The following MYOG variants were observed in gnomAD, a reference collection of about 807,000 sequenced individuals.
The protein encoded by MYOG is myogenin.
In MYOG, 6 loss-of-function variants were observed where a neutral mutation model predicts 17.7. That is an observed-to-expected ratio of 0.34 (90% CI 0.19 to 0.67). The LOEUF is 0.67. MYOG is among the 30% of genes least tolerant of loss of function. The pLI, the probability that MYOG is intolerant of heterozygous loss-of-function variation, is 0.69. For synonymous variants in MYOG, 125 were observed against 130.2 expected (o/e 0.96, Z 0.27); for missense variants, 272 against 302.0 (o/e 0.90, Z 0.74).
Position 203,085,563 on chromosome 1 carries a change from C to G in MYOG, c.399G>C (p.Gln133His). ...CCTGGTTGAGGGAGCTGAGCAGGGC[C>G]TGGAGGCGCTCGATGTACTGGATGG... ...RSAIQYIERL[Q>H]ALLSSLNQEE... is the part of the protein sequence containing the mutation. The change falls in exon 1 of 3, where the codon CAG (glutamine) becomes CAC (histidine). Residue 133 changes from glutamine (Q) to histidine (H), a missense_variant. Transcript: ENST00000241651. The G allele has an allele frequency of 6.2e-7, 1 of 1,614,180 alleles. No individual in the cohort carries two copies. The highest frequency in any genetic ancestry group is 8.5e-7 in the Non-Finnish European group (1 of 1,179,992).
chr1:203,083,814 C>T lies in MYOG; in HGVS notation c.*96G>A. The T allele has an allele frequency of 2.0e-6, 3 of 1,523,908 alleles. No homozygotes were observed. In the South Asian group the frequency reaches 3.7e-5, roughly 19 times the overall value. 94.4% of individuals were successfully genotyped at this position (1,523,908 alleles called of 1,614,324 possible). A position where few individuals can be genotyped will look rare whatever the true frequency, so the allele number is the denominator to read the frequency against. ...CACCCCAGAGCTGGCTTCCTAGCAT[C>T]AGGGCAGCCTGGCTTAGGAGGCCCC... On this transcript the variant is annotated 3_prime_UTR_variant, in exon 3 of 3. Transcript: ENST00000241651.
In MYOG at chr1:203,085,922, G is replaced by A; in HGVS notation, c.40C>T (p.Pro14Ser). ...YETSPYFYQE[P>S]RFYDGENYLP... ...TAGTTTTCCCCATCATAGAAGCGGG[G>A]TTCCTGGTAGAAGTAGGGGGATGTC... Residue 14 changes from proline to serine, a missense_variant, in exon 1 of 3, where the codon CCC becomes TCC. Pro to Ser is a moderately conservative substitution (Grantham distance 74, BLOSUM62 -1). Transcript: ENST00000241651. The A allele has an allele frequency of 3.1e-6, 5 of 1,604,200 alleles. No individual in the cohort carries two copies. The highest frequency in any genetic ancestry group is 4.3e-6 in the Non-Finnish European group (5 of 1,175,884).
rs1571760962 is a variant in MYOG, at chr1:203,083,915, T to C, written c.670A>G (p.Asn224Asp). Reference sequence around the variant, plus strand: ...GCCCGGCTTGGAAGACAATCTCAGTTGGGCATGGTTTCATCTGGGAAGGCC... The same window carrying C: ...GCCCGGCTTGGAAGACAATCTCAGTCGGGCATGGTTTCATCTGGGAAGGCC... ...SVAFPDETMP[N>D] is the part of the protein sequence containing the mutation. The change falls in exon 3 of 3, where the codon AAC becomes GAC. Residue 224 changes from asparagine (N) to aspartate (D), a missense_variant. Physicochemically the swap from Asn to Asp is conservative, Grantham distance 23. Transcript: ENST00000241651. 6.3e-7 allele frequency: 1 copy of C among 1,589,684 alleles called. No homozygotes were observed. The highest frequency in any genetic ancestry group is 2.3e-5 in the East Asian group (1 of 44,272).
chr1:203,084,195 A>AGAGTGTGTGTGTGTGTGTGTGTGT, intron 2 of MYOG, among the ~76,000 whole-genome samples, 164 bp from the exon 3 acceptor site: 1 of 135,496 alleles, frequency 7.4e-6, no homozygotes, highest in Admixed American at 7.4e-5. Flanking sequence ...ATGCTCTGTG[A>AGAGTGTGTGTGTGTGTGTGTGTGT]GTGTGTGTGT....
intron 2 of MYOG, among the ~76,000 whole-genome samples, 168 bp downstream of exon 2, chr1:203,084,479 A>G (rs1490257838): frequency 2.6e-5 from 4 of 152,186 alleles, no homozygotes; most frequent in African/African-American, 9.7e-5. Context: ...TCAAGACTGC[A>G]GGGGCACACA....
chr1:203,084,195 A>AGTGTGT (rs3835486), intron 2 of MYOG, among the ~76,000 whole-genome samples, 164 bp from the exon 3 acceptor site: 2,893 of 135,454 alleles, frequency 0.021, 74 homozygotes, highest in East Asian at 0.07. Flanking sequence ...ATGCTCTGTG[A>AGTGTGT]GTGTGTGTGT....
chr1:203,083,835 G>A lies in MYOG; in HGVS notation c.*75C>T. ...GCATCAGGGCAGCCTGGCTTAGGAG[G>A]CCCCTGCTACAGAAGTAGTGGCATC... On this transcript the variant is annotated 3_prime_UTR_variant, in exon 3 of 3. Transcript: ENST00000241651. 4.5e-6 allele frequency: 7 copies of A among 1,548,826 alleles called. No individual in the cohort carries two copies. Among genetic ancestry groups the A allele is most frequent in the Non-Finnish European group, 6.1e-6 (7 of 1,144,140 alleles).
intron 2 of MYOG, among the ~76,000 whole-genome samples, 164 bp from the exon 3 acceptor site, chr1:203,084,195 AGTGTGTGTGT>A (rs3835486): frequency 2.0e-4 from 27 of 135,494 alleles, no homozygotes; most frequent in South Asian, 2.4e-4. Flanking sequence ...ATGCTCTGTG[AGTGTGTGTGT>A]GTGTGTGTGT....
chr1:203,084,497 C>T (rs894547203), intron 2 of MYOG, 150 bp downstream of exon 2: 6 of 695,112 alleles, frequency 8.6e-6, no homozygotes, highest in Non-Finnish European at 1.5e-5. Flanking sequence ...ACAGAACCTC[C>T]CAGCCCACCC....
At chr1:203,085,347 T>C in intron 1 of MYOG, 144 bp downstream of exon 1, 1 of 737,066 alleles carries the variant, frequency 1.4e-6, no homozygotes, top group Non-Finnish European at 2.2e-6. Context: ...AGCCCAGCTC[T>C]GACCAGGGAA....
chr1:203,083,453 T>C lies in MYOG; in HGVS notation c.*457A>G, dbSNP rs1450712146. The C allele has an allele frequency of 2.5e-6, 1 of 393,740 alleles. No homozygotes were observed. Among genetic ancestry groups the C allele is most frequent in the African/African-American group, 2.0e-5 (1 of 49,050 alleles). 24.4% of individuals were successfully genotyped at this position (393,740 alleles called of 1,614,324 possible). On this transcript the variant is annotated 3_prime_UTR_variant, in exon 3 of 3. Transcript: ENST00000241651. ...CAGAGGGCTGTTCCTCTCCCCTTCTTCTCTCTCAATTCAGGGCAGGCCCAG... is the reference window on the plus strand; with the variant it reads ...CAGAGGGCTGTTCCTCTCCCCTTCTCCTCTCTCAATTCAGGGCAGGCCCAG...
At chr1:203,084,108 T>C (rs1653560861) in intron 2 of MYOG, 77 bp from the exon 3 acceptor site, 3 of 1,537,966 alleles carry the variant, frequency 2.0e-6, no homozygotes, top group Admixed American at 3.9e-5. Flanking sequence ...GATGGGACCC[T>C]TGGGGTGACA....
In MYOG at chr1:203,084,142, G is replaced by A. The variant is rs1364433443; in HGVS notation, c.554-111C>T. On this transcript the variant is annotated intron_variant, in intron 2 of 2. Transcript: ENST00000241651. ...CAGAGGTTTTCCAGGACAGATGAAT[G>A]ACAAAGCTCCGGAGTTCTACTCCCT... The A allele has an allele frequency of 2.2e-6, 3 of 1,390,458 alleles. No homozygotes were observed. The Admixed American group carries it at 6.3e-5, about 29-fold the overall frequency. The allele number at this position is 1,390,458 out of a possible 1,614,324, so 86.1% of individuals were successfully genotyped here. A position where few individuals can be genotyped will look rare whatever the true frequency, so the allele number is the denominator to read the frequency against.
In MYOG at chr1:203,083,719, G is replaced by A. The variant is rs146491389; in HGVS notation, c.*191C>T. 2.5e-6 allele frequency: 2 copies of A among 807,426 alleles called. No individual in the cohort carries two copies. The highest frequency in any genetic ancestry group is 5.4e-5 in the East Asian group (2 of 37,280). 50.0% of individuals were successfully genotyped at this position (807,426 alleles called of 1,614,324 possible). ...TCCTCTAAGGAGGCAGCTGAATGAG[G>A]GCGTCCAGTCCCTTGCTGGGGGGTG... On this transcript the variant is annotated 3_prime_UTR_variant, in exon 3 of 3. Coordinates refer to ENST00000241651, the MANE Select transcript of MYOG (RefSeq NM_002479.6).
intron 1 of MYOG, 32 bp downstream of exon 1, chr1:203,085,459 C>T (rs769997274): frequency 8.2e-6 from 13 of 1,582,136 alleles, no homozygotes; most frequent in Non-Finnish European, 1.1e-5. Context: ...GGCCCCGTCC[C>T]CTTGGGGCAG....
intron 2 of MYOG, 144 bp downstream of exon 2, chr1:203,084,503 C>T (rs986384486): frequency 8.4e-6 from 6 of 716,760 alleles, no homozygotes; most frequent in Non-Finnish European, 1.4e-5. Flanking sequence ...CCTCCCAGCC[C>T]ACCCTTTGGG....
intron 1 of MYOG, 45 bp from the exon 2 acceptor site, chr1:203,084,773 T>A: frequency 3.9e-6 from 6 of 1,543,200 alleles, no homozygotes; most frequent in Non-Finnish European, 5.3e-6. Flanking sequence ...CAGCCATTCT[T>A]TGATGTCTCT....
At position 203,083,726 on chromosome 1, in the gene MYOG, AGTCCCTTGCTGGG is replaced by A; in HGVS notation, c.*171_*183del. Reference sequence around the variant, plus strand: ...AGGAGGCAGCTGAATGAGGGCGTCCAGTCCCTTGCTGGGGGGTGGGTTAACCTTACATGGATGA... The same window carrying A: ...AGGAGGCAGCTGAATGAGGGCGTCCAGGGTGGGTTAACCTTACATGGATGA... On this transcript the variant is annotated 3_prime_UTR_variant, in exon 3 of 3. Transcript: ENST00000241651. 1.2e-6 allele frequency: 1 copy of A among 863,450 alleles called. No homozygotes were observed. The highest frequency in any genetic ancestry group is 2.7e-5 in the East Asian group (1 of 37,548). The allele number at this position is 863,450 out of a possible 1,614,324, so 53.5% of individuals were successfully genotyped here.
rs1653584436 is a variant in MYOG, at chr1:203,084,998, C to T, written c.472-270G>A. 1.3e-5 allele frequency among the ~76,000 whole-genome samples: 2 copies of T among 152,214 alleles called. 1 individual carries two copies. The highest frequency in any genetic ancestry group is 4.1e-4 in the South Asian group (2 of 4,834). ...CCAGCTTAAAGGGGTCCCTGGTTCTCCTGACTCTGGCGATAAGGGTGATGG... is the reference window on the plus strand; with the variant it reads ...CCAGCTTAAAGGGGTCCCTGGTTCTTCTGACTCTGGCGATAAGGGTGATGG... On this transcript the variant is annotated intron_variant, in intron 1 of 2. Transcript: ENST00000241651.
Sources: gnomAD v4.1 joint callset for allele counts (sites outside exome capture counted in the v4.1 genomes callset) on GRCh38, gnomAD v4.1.1 for gene constraint, MANE v1.5 for transcripts, NCBI Gene and HGNC (gene_info 2026-07-23, HGNC 2026-07-21) for gene names.